The following AMACR variants were observed in gnomAD, a reference collection of about 807,000 sequenced individuals.
The protein encoded by AMACR is 2-methylacyl-CoA racemase.
A neutral mutation model predicts 22.2 loss-of-function variants in AMACR; 18 were observed. The ratio of observed to expected loss-of-function variants is 0.81; its 90% CI spans 0.56 to 1.20. The LOEUF (loss-of-function observed/expected upper bound fraction) is 1.20. Among genes scored for constraint, AMACR ranks in the 50% most tolerant of loss-of-function variants. The pLI, the probability that AMACR is intolerant of heterozygous loss-of-function variation, is 0.00. For synonymous variants in AMACR, 213 were observed against 191.3 expected (o/e 1.11, Z -0.94); for missense variants, 499 against 490.6 (o/e 1.02, Z -0.16).
At chr5:33,990,554 AT>A (rs3836798) in intron 4 of AMACR, among the ~76,000 whole-genome samples, 100,642 of 152,118 alleles carry the variant, frequency 0.66, 33,941 homozygotes, top group African/African-American at 0.78. Flanking sequence ...GTTGGTGTAA[AT>A]TGTCCTTTTT....
Position 34,004,698 on chromosome 5 carries a change from G to A in AMACR, c.428C>T (p.Pro143Leu), listed in dbSNP as rs1386707127. Residue 143 changes from proline (P) to leucine (L), a missense_variant, in exon 3 of 5, where the codon CCG (proline) becomes CTG (leucine). By Grantham distance (98) the Pro-to-Leu change is moderately conservative. Transcript: ENST00000335606. ...AGCCAGGAGATTCAGCGGGGCATAC[G>A]GATTCTCACCACTTCTGCCAATTTT... ...LSKIGRSGEN[P>L]YAPLNLLADF... 5 of 1,614,070 alleles carry A rather than the reference G, an allele frequency of 3.1e-6. No homozygotes were observed. Among genetic ancestry groups the A allele is most frequent in the African/African-American group, 1.3e-5 (1 of 74,998 alleles).
chr5:33,993,970 G>A, intron 4 of AMACR: 1 of 445,854 alleles, frequency 2.2e-6, no homozygotes, highest in South Asian at 1.6e-5. Flanking sequence ...TAAGAGACTT[G>A]CTATCTCAAA....
chr5:33,988,582 G>A lies in AMACR; in HGVS notation c.*511C>T. ...GAAACTTTTCTTTGCAAATTACAAAGTGTGATAACTGTTGCTAAAGTTTGG... is the reference window on the plus strand; with the variant it reads ...GAAACTTTTCTTTGCAAATTACAAAATGTGATAACTGTTGCTAAAGTTTGG... On this transcript the variant is annotated 3_prime_UTR_variant, in exon 5 of 5. Transcript: ENST00000335606. 1 of 1,343,596 alleles carries A rather than the reference G, an allele frequency of 7.4e-7. No individual in the cohort carries two copies. The highest frequency in any genetic ancestry group is 9.5e-7 in the Non-Finnish European group (1 of 1,049,724). The allele number at this position is 1,343,596 out of a possible 1,614,324, so 83.2% of individuals were successfully genotyped here.
At position 34,008,009 on chromosome 5, in the gene AMACR, T is replaced by C. The variant is rs1754054209; in HGVS notation, c.11A>G (p.Gln4Arg). The change falls in exon 1 of 5, where the codon CAG becomes CGG. Residue 4 changes from glutamine to arginine, a missense_variant. Coordinates refer to ENST00000335606, the MANE Select transcript of AMACR (RefSeq NM_014324.6). ...GGACAGCTCCACGACCGAGATGCCCTGCAGTGCCATGGCGCTTCCCAGTGC... is the reference window on the plus strand; with the variant it reads ...GGACAGCTCCACGACCGAGATGCCCCGCAGTGCCATGGCGCTTCCCAGTGC... MAL[Q>R]GISVVELSGL... 6.2e-7 allele frequency: 1 copy of C among 1,610,406 alleles called. No individual in the cohort carries two copies.
At position 34,005,840 on chromosome 5, in the gene AMACR, T is replaced by G. The variant is rs764217571; in HGVS notation, c.307A>C (p.Ile103Leu). ...CCAAATCCACTCAGCCTGGCATAAA[T>G]AAGCCTTGGATTTTCCCGCTGCAGA... Reference protein sequence around the residue: ...EILQRENPRLIYARLSGFGQS... With the variant: ...EILQRENPRLLYARLSGFGQS... The change falls in exon 2 of 5, where the codon ATT becomes CTT. Residue 103 changes from isoleucine (I) to leucine (L), a missense_variant. Coordinates refer to ENST00000335606, the MANE Select transcript of AMACR (RefSeq NM_014324.6). The G allele has an allele frequency of 6.2e-7, 1 of 1,614,156 alleles. No individual in the cohort carries two copies. The highest frequency in any genetic ancestry group is 8.5e-7 in the Non-Finnish European group (1 of 1,180,030).
intron 3 of AMACR, among the ~76,000 whole-genome samples, chr5:34,002,665 C>T (rs781507132): frequency 2.0e-5 from 3 of 152,192 alleles, no homozygotes; most frequent in African/African-American, 7.2e-5. Flanking sequence ...GATAGTAGCA[C>T]GTCTCCCTCA....
At position 33,987,017 on chromosome 5, in the gene AMACR, AT is replaced by A. The variant is rs1753312833; in HGVS notation, c.*2075del. The A allele has an allele frequency of 6.6e-6, 1 of 151,866 alleles. No homozygotes were observed. Among genetic ancestry groups the A allele is most frequent in the Admixed American group, 6.6e-5 (1 of 15,240 alleles). 9.4% of individuals were successfully genotyped at this position (151,866 alleles called of 1,614,324 possible). ...GGAAAACATCTTTTTTATTATTATT[AT>A]TTTTATTTATTTATTTAGAGACAGG... is the stretch of plus-strand genomic sequence containing the variant. On this transcript the variant is annotated 3_prime_UTR_variant, in exon 5 of 5. Transcript: ENST00000335606.
At chr5:33,995,774 A>C (rs1440460871) in intron 4 of AMACR, among the ~76,000 whole-genome samples, 1 of 152,246 alleles carries the variant, frequency 6.6e-6, no homozygotes, top group Non-Finnish European at 1.5e-5. Context: ...GCATTAAAGC[A>C]ATGAGAACAC....
chr5:34,004,567 T>C lies in AMACR; in HGVS notation c.552+7A>G, dbSNP rs746099405. On this transcript the variant is annotated splice_region_variant and intron_variant, in intron 3 of 4. Transcript: ENST00000335606. The stretch of plus-strand genomic sequence containing the variant: ...AGTGGCAGGCATCTACCCCAATTAA[T>C]ACTTACCATATTTGCATCAATGACC... The C allele has an allele frequency of 3.1e-6, 5 of 1,614,060 alleles. No individual in the cohort carries two copies. The highest frequency in any genetic ancestry group is 4.2e-6 in the Non-Finnish European group (5 of 1,179,934).
At chr5:33,991,377 C>T (rs931392748) in intron 4 of AMACR, among the ~76,000 whole-genome samples, 1 of 152,124 alleles carries the variant, frequency 6.6e-6, no homozygotes, top group Admixed American at 6.5e-5. Flanking sequence ...CAATATGGAA[C>T]TTGGAATCCA....
chr5:34,005,980 T>C, intron 1 of AMACR, 81 bp from the exon 2 acceptor site: 21 of 1,496,654 alleles, frequency 1.4e-5, no homozygotes, highest in Non-Finnish European at 1.9e-5. Flanking sequence ...AAACATAAAA[T>C]AGCACCATTG....
At chr5:33,992,304 G>A (rs1210147291) in intron 4 of AMACR, among the ~76,000 whole-genome samples, 1 of 151,926 alleles carries the variant, frequency 6.6e-6, no homozygotes, top group African/African-American at 2.4e-5. Flanking sequence ...AAATGGGTGA[G>A]GGTGAAGATC....
At position 34,002,619 on chromosome 5, in the gene AMACR, T is replaced by A. The variant is rs552636266; in HGVS notation, c.552+1955A>T. Among the ~76,000 whole-genome samples the A allele has an allele frequency of 1.2e-4, 18 of 150,006 alleles. No individual in the cohort carries two copies. In the East Asian group the frequency reaches 1.2e-3, roughly 10 times the overall value. On this transcript the variant is annotated intron_variant, in intron 3 of 4. Coordinates refer to ENST00000335606, the MANE Select transcript of AMACR (RefSeq NM_014324.6). ...CGTCATCTGCTTTAGAGGAAGGCAG[T>A]TAACCTCGCCAAGCCTTCAAGTCTT...
At chr5:34,005,515 T>C (rs1753945854) in intron 2 of AMACR, among the ~76,000 whole-genome samples, 1 of 152,158 alleles carries the variant, frequency 6.6e-6, no homozygotes, top group African/African-American at 2.4e-5. Flanking sequence ...TCAACAAATG[T>C]AGTAAATAAA....
intron 4 of AMACR, among the ~76,000 whole-genome samples, chr5:33,994,403 T>C (rs1753576149): frequency 6.6e-6 from 1 of 152,132 alleles, no homozygotes; most frequent in Non-Finnish European, 1.5e-5. Context: ...GGTCTTGAAC[T>C]CTTGACCTCA....
intron 3 of AMACR, 68 bp downstream of exon 3, chr5:34,004,506 A>C: frequency 6.3e-7 from 1 of 1,595,086 alleles, no homozygotes; most frequent in Non-Finnish European, 8.6e-7. Context: ...CTTCAAAAAA[A>C]GGATTTTAAG....
chr5:34,000,109 A>T (rs4866402), intron 3 of AMACR, among the ~76,000 whole-genome samples: 1 of 152,108 alleles, frequency 6.6e-6, no homozygotes, highest in East Asian at 1.9e-4. Context: ...TTGCATAAAT[A>T]TTACCTTGTA....
intron 4 of AMACR, among the ~76,000 whole-genome samples, chr5:33,993,527 C>G (rs1459129284): frequency 6.6e-6 from 1 of 152,206 alleles, no homozygotes; most frequent in Non-Finnish European, 1.5e-5. Flanking sequence ...CACCACTTTA[C>G]ACTCTCATTG....
Position 34,007,910 on chromosome 5 carries a change from G to C in AMACR, c.110C>G (p.Pro37Arg). Residue 37 changes from proline to arginine, a missense_variant, in exon 1 of 5, where the codon CCC becomes CGC. Pro to Arg is a moderately radical substitution (Grantham distance 103). Coordinates refer to ENST00000335606, the MANE Select transcript of AMACR (RefSeq NM_014324.6). ...GCGGCTCACGTCGTAGCGGGAGCCGGGCCGGTCCACGCGTACCACACGCGC... is the reference window on the plus strand; with the variant it reads ...GCGGCTCACGTCGTAGCGGGAGCCGCGCCGGTCCACGCGTACCACACGCGC... Reference protein sequence around the residue: ...FGARVVRVDRPGSRYDVSRLG... With the variant: ...FGARVVRVDRRGSRYDVSRLG... 1 of 1,606,450 alleles carries C rather than the reference G, an allele frequency of 6.2e-7. No individual in the cohort carries two copies. The highest frequency in any genetic ancestry group is 1.1e-5 in the South Asian group (1 of 90,778).
Sources: gnomAD v4.1 joint callset for allele counts (sites outside exome capture counted in the v4.1 genomes callset) on GRCh38, gnomAD v4.1.1 for gene constraint, MANE v1.5 for transcripts, NCBI Gene and HGNC (gene_info 2026-07-23, HGNC 2026-07-21) for gene names.